The following CELF2 variants were observed in gnomAD, a reference collection of about 807,000 sequenced individuals.
CELF2 encodes the protein CUG triplet repeat RNA-binding protein 2.
A neutral mutation model predicts 62.6 loss-of-function variants in CELF2; 8 were observed. That is an observed-to-expected ratio of 0.13 (90% CI 0.07 to 0.23). CELF2 has a LOEUF of 0.23. Ranked by LOEUF, CELF2 falls within the 10% of genes least tolerant of loss-of-function variation. The pLI is 1.00. For synonymous variants in CELF2, 258 were observed against 250.0 expected (o/e 1.03, Z -0.30); for missense variants, 333 against 671.0 (o/e 0.50, Z 5.56).
chr10:11,023,805 A>ATGAACAG (rs2058717015), intron 1 of CELF2, among the ~76,000 whole-genome samples: 1 of 152,266 alleles, frequency 6.6e-6, no homozygotes, highest in Non-Finnish European at 1.5e-5. Context: ...CTGGAGTTTT[A>ATGAACAG]TGAACAGTCT....
intron 1 of CELF2, among the ~76,000 whole-genome samples, chr10:10,868,492 T>C (rs2060523799): frequency 6.6e-6 from 1 of 152,264 alleles, no homozygotes. Context: ...ATGTCTGCTA[T>C]ATTCTATTGG....
the CELF2 span, among the ~76,000 whole-genome samples, chr10:10,621,863 A>G: frequency 3.9e-5 from 6 of 152,212 alleles, no homozygotes; most frequent in South Asian, 6.2e-4. Flanking sequence ...TCCACCAGAT[A>G]TCATGAAAAA....
chr10:10,903,925 C>T (rs1456396963), intron 1 of CELF2, among the ~76,000 whole-genome samples: 2 of 152,198 alleles, frequency 1.3e-5, no homozygotes, highest in Non-Finnish European at 2.9e-5. Flanking sequence ...ACTGATGTGG[C>T]TGGACCTGGC....
At chr10:11,292,349 C>T (rs1053745447) in intron 9 of CELF2, among the ~76,000 whole-genome samples, 2 of 152,236 alleles carry the variant, frequency 1.3e-5, no homozygotes, top group Non-Finnish European at 2.9e-5. Flanking sequence ...GTTGTTCTTG[C>T]ACACCTGTGT....
the CELF2 span, among the ~76,000 whole-genome samples, chr10:10,557,926 G>C: frequency 7.0e-6 from 1 of 142,202 alleles, no homozygotes; most frequent in Non-Finnish European, 1.5e-5. Context: ...AGCTTAAGGA[G>C]ATTTTGGGCT....
chr10:10,984,567 T>C (rs888321357), intron 2 of CELF2, among the ~76,000 whole-genome samples: 2 of 152,206 alleles, frequency 1.3e-5, no homozygotes, highest in African/African-American at 2.4e-5. Flanking sequence ...AGGTACACTT[T>C]GAGGATAACC....
intron 1 of CELF2, among the ~76,000 whole-genome samples, chr10:11,164,060 T>G (rs1278400405): frequency 6.6e-6 from 1 of 152,250 alleles, no homozygotes; most frequent in Non-Finnish European, 1.5e-5. Flanking sequence ...ATGTCCCCTT[T>G]CTGACCTCTC....
the CELF2 span, among the ~76,000 whole-genome samples, chr10:10,738,302 A>G: frequency 6.6e-6 from 1 of 152,232 alleles, no homozygotes; most frequent in African/African-American, 2.4e-5. Context: ...CCATACATTC[A>G]TATTTCTGTA....
intron 1 of CELF2, among the ~76,000 whole-genome samples, chr10:10,855,876 T>C (rs2059674195): frequency 6.6e-6 from 1 of 152,136 alleles, no homozygotes; most frequent in African/African-American, 2.4e-5. Context: ...ATAGTAGATA[T>C]TCGCTATCTA....
chr10:10,491,887 A>G, the CELF2 span, among the ~76,000 whole-genome samples: 2 of 152,162 alleles, frequency 1.3e-5, no homozygotes, highest in African/African-American at 4.8e-5. Context: ...TCGTCTTTTC[A>G]TAAACATGAT....
chr10:10,562,601 G>T, the CELF2 span, among the ~76,000 whole-genome samples: 2 of 152,128 alleles, frequency 1.3e-5, no homozygotes, highest in African/African-American at 2.4e-5. Context: ...CGACCTCACC[G>T]TGTCTCCCTT....
chr10:11,162,266 G>A (rs2065898899), intron 1 of CELF2, among the ~76,000 whole-genome samples: 1 of 152,046 alleles, frequency 6.6e-6, no homozygotes, highest in Non-Finnish European at 1.5e-5. Context: ...TGGTCAATGG[G>A]ACAGGACCAC....
chr10:10,989,696 A>G (rs2053214490), intron 2 of CELF2, among the ~76,000 whole-genome samples: 1 of 152,158 alleles, frequency 6.6e-6, no homozygotes, highest in African/African-American at 2.4e-5. Flanking sequence ...GTAAATTCAG[A>G]CCAAAACATT....
At chr10:10,778,843 G>A in the CELF2 span, among the ~76,000 whole-genome samples, 1 of 152,190 alleles carries the variant, frequency 6.6e-6, no homozygotes, top group Non-Finnish European at 1.5e-5. Context: ...GGGATTGCAG[G>A]AAGAAACAAT....
chr10:10,721,539 C>G, the CELF2 span, among the ~76,000 whole-genome samples: 1 of 152,210 alleles, frequency 6.6e-6, no homozygotes, highest in Non-Finnish European at 1.5e-5. Flanking sequence ...CTCATCAACA[C>G]CTTAGCCCTT....
rs907752438 is a variant in CELF2 at position 11,070,751 on chromosome 10, A to G, written c.74+52588A>G. 3.4e-4 allele frequency among the ~76,000 whole-genome samples: 52 copies of G among 152,200 alleles called. 1 individual carries two copies. On this transcript the variant is annotated intron_variant, in intron 1 of 12. Transcript: ENST00000633077. ...GAAGAACAGTGGCATGGGAGAAAAC[A>G]TGATACTGTGTGAAGGAAGACAGAG...
rs969432603 is a variant in CELF2 at position 11,290,942 on chromosome 10, T to C, written c.976+2390T>C. Among the ~76,000 whole-genome samples, 2 of 152,272 alleles carry C rather than the reference T, an allele frequency of 1.3e-5. No individual in the cohort carries two copies. Among genetic ancestry groups the C allele is most frequent in the Admixed American group, 1.3e-4 (2 of 15,288 alleles). ...TTTAAGTGAAAGTAAATTATTTGTC[T>C]AATTTCCATCAGGGACTTTTTGAAA... On this transcript the variant is annotated intron_variant, in intron 9 of 12. Transcript: ENST00000633077. This position sits in a 1 kb window ranked among gnomAD's most constrained non-coding sequence, Gnocchi z 4.3.
chr10:10,820,156 G>A (rs977890874), intron 1 of CELF2, among the ~76,000 whole-genome samples: 7 of 152,034 alleles, frequency 4.6e-5, no homozygotes, highest in African/African-American at 1.2e-4. Context: ...TTCGCCTCCC[G>A]CCATGATTCT....
the CELF2 span, among the ~76,000 whole-genome samples, chr10:10,495,125 CA>C: frequency 6.6e-6 from 1 of 151,182 alleles, no homozygotes; most frequent in African/African-American, 2.5e-5. Context: ...AAAAAAAATG[CA>C]AAAAATTAGC....
Sources: allele counts gnomAD v4.1 joint callset (sites outside exome capture counted in the v4.1 genomes callset), GRCh38; gene constraint gnomAD v4.1.1; non-coding constraint Gnocchi (gnomAD v3.1); transcripts MANE v1.5; gene names NCBI Gene and HGNC (gene_info 2026-07-23, HGNC 2026-07-21).